The following SGCZ variants were observed in gnomAD, a reference collection of about 807,000 sequenced individuals.
SGCZ encodes zeta-sarcoglycan.
A neutral mutation model predicts 41.3 loss-of-function variants in SGCZ; 40 were observed. The observed-to-expected ratio is 0.97, with a 90% CI of 0.75 to 1.26. The LOEUF is 1.26. Among genes scored for constraint, SGCZ ranks in the 50% most tolerant of loss-of-function variants. The pLI is 0.00. For missense variants in SGCZ, 552 were observed against 369.8 expected (o/e 1.49, Z -4.04); for synonymous variants, 206 against 137.5 (o/e 1.50, Z -3.49).
chr8:14,734,198 C>G (rs1053644207), intron 1 of SGCZ, among the ~76,000 whole-genome samples: 1 of 151,838 alleles, frequency 6.6e-6, no homozygotes, highest in African/African-American at 2.4e-5. Flanking sequence ...TGGCAGCTGG[C>G]CGAAAAAGAA....
At chr8:14,716,600 A>AAAT (rs1323381871) in intron 1 of SGCZ, among the ~76,000 whole-genome samples, 2 of 152,080 alleles carry the variant, frequency 1.3e-5, no homozygotes, top group Non-Finnish European at 2.9e-5. Flanking sequence ...TCTAAATCCA[A>AAAT]AATTCTATTT....
intron 3 of SGCZ, among the ~76,000 whole-genome samples, chr8:14,253,167 G>C (rs1231684829): frequency 2.0e-5 from 3 of 151,834 alleles, no homozygotes; most frequent in Non-Finnish European, 2.9e-5. Flanking sequence ...TGAAATTAGA[G>C]AACAAGATAG....
chr8:14,655,642 A>G (rs1431781249), intron 1 of SGCZ, among the ~76,000 whole-genome samples: 2 of 152,114 alleles, frequency 1.3e-5, no homozygotes, highest in African/African-American at 4.8e-5. Context: ...ATTTCACCCA[A>G]TGGGAGTATC....
chr8:14,962,933 G>A lies in SGCZ; in HGVS notation c.39+274652C>T, dbSNP rs143641375. ...ATATTAAATGTCACTGGCAACAGGG[G>A]ATTAGCCCTGTTCTAGTAAAAAGTA... On this transcript the variant is annotated intron_variant, in intron 1 of 7. Transcript: ENST00000382080. Among the ~76,000 whole-genome samples the A allele has an allele frequency of 7.2e-5, 11 of 152,314 alleles. No homozygotes were observed. In the East Asian group the frequency reaches 1.7e-3, roughly 24 times the overall value.
At chr8:15,108,272 T>A (rs1806909841) in intron 1 of SGCZ, among the ~76,000 whole-genome samples, 1 of 151,996 alleles carries the variant, frequency 6.6e-6, no homozygotes, top group African/African-American at 2.4e-5. Context: ...TTCTCAGTTA[T>A]TTTTTTTAGG....
chr8:14,142,211 A>G (rs1329194614), intron 5 of SGCZ, among the ~76,000 whole-genome samples: 1 of 152,152 alleles, frequency 6.6e-6, no homozygotes, highest in East Asian at 1.9e-4. Context: ...AGAAGTGCCT[A>G]ATGTAAATGA....
At chr8:14,525,992 C>G (rs1802935689) in intron 2 of SGCZ, among the ~76,000 whole-genome samples, 1 of 151,734 alleles carries the variant, frequency 6.6e-6, no homozygotes, top group Admixed American at 6.6e-5. Context: ...AAAAAAAAAG[C>G]AGTAGTAGTA....
At chr8:14,561,637 G>A (rs1804210419) in intron 1 of SGCZ, among the ~76,000 whole-genome samples, 1 of 152,002 alleles carries the variant, frequency 6.6e-6, no homozygotes, top group Non-Finnish European at 1.5e-5. Flanking sequence ...AAAATCTAAT[G>A]TTTCTTAGCT....
intron 2 of SGCZ, among the ~76,000 whole-genome samples, chr8:14,512,227 G>A (rs1802487266): frequency 6.6e-6 from 1 of 152,122 alleles, no homozygotes; most frequent in Non-Finnish European, 1.5e-5. Context: ...GGAAGACGCT[G>A]AAGTGCCTAT....
At chr8:14,602,173 T>C (rs927392561) in intron 1 of SGCZ, among the ~76,000 whole-genome samples, 32 of 152,092 alleles carry the variant, frequency 2.1e-4, no homozygotes, top group Non-Finnish European at 7.4e-5. Flanking sequence ...TGTGGATATA[T>C]GGTAATTTTT....
intron 7 of SGCZ, among the ~76,000 whole-genome samples, chr8:14,092,695 C>T (rs764233026): frequency 3.3e-5 from 5 of 152,010 alleles, no homozygotes; most frequent in Non-Finnish European, 5.9e-5. Context: ...TTCTCTCTTG[C>T]CTGCCACCAC....
At chr8:14,747,629 G>T (rs73531128) in intron 1 of SGCZ, among the ~76,000 whole-genome samples, 1 of 150,570 alleles carries the variant, frequency 6.6e-6, no homozygotes, top group Non-Finnish European at 1.5e-5. Flanking sequence ...ATTCTGCAAT[G>T]TTGTACCTGG....
chr8:14,862,570 A>G (rs1803790780), intron 1 of SGCZ, among the ~76,000 whole-genome samples: 1 of 141,400 alleles, frequency 7.1e-6, no homozygotes, highest in Admixed American at 7.1e-5. Context: ...ATATATATAT[A>G]TATATATATA....
At chr8:14,426,475 A>G (rs573597799) in intron 2 of SGCZ, among the ~76,000 whole-genome samples, 2 of 152,178 alleles carry the variant, frequency 1.3e-5, no homozygotes, top group East Asian at 1.9e-4. Context: ...GAGAAGAAGC[A>G]GAGAGGCAGA....
At chr8:14,108,749 G>A (rs746271846) in intron 5 of SGCZ, among the ~76,000 whole-genome samples, 6 of 152,104 alleles carry the variant, frequency 3.9e-5, no homozygotes, top group Non-Finnish European at 8.8e-5. Context: ...ATATCACCAG[G>A]CAGGGAAGAG....
intron 4 of SGCZ, among the ~76,000 whole-genome samples, chr8:14,228,389 G>T (rs1297021943): frequency 6.6e-6 from 1 of 151,746 alleles, no homozygotes; most frequent in Non-Finnish European, 1.5e-5. Flanking sequence ...TTCTTACTTT[G>T]TTTAACTTAT....
intron 4 of SGCZ, among the ~76,000 whole-genome samples, chr8:14,225,818 C>G (rs1806353021): frequency 6.6e-6 from 1 of 151,978 alleles, no homozygotes; most frequent in Admixed American, 6.6e-5. Flanking sequence ...TGAAATGAGA[C>G]TGGTCTAAAC....
intron 1 of SGCZ, among the ~76,000 whole-genome samples, chr8:15,132,307 T>C (rs1349245593): frequency 6.6e-6 from 1 of 152,214 alleles, no homozygotes. Flanking sequence ...ACTGTGTATG[T>C]AATGCCGGTT....
intron 2 of SGCZ, among the ~76,000 whole-genome samples, chr8:14,353,808 T>G (rs549839443): frequency 6.6e-6 from 1 of 152,084 alleles, no homozygotes; most frequent in Non-Finnish European, 1.5e-5. Flanking sequence ...CCTAGAGACC[T>G]AAGGATGATA....
Sources: allele counts gnomAD v4.1 joint callset (sites outside exome capture counted in the v4.1 genomes callset), GRCh38; gene constraint gnomAD v4.1.1; transcripts MANE v1.5; gene names NCBI Gene and HGNC (gene_info 2026-07-23, HGNC 2026-07-21).